RAB28: variants seen among roughly 807,000 people sequenced by gnomAD.
RAB28 encodes the protein RAB28, member RAS oncogene family, also known as ras-related protein Rab-28.
A neutral mutation model predicts 31.7 loss-of-function variants in RAB28; 24 were observed. The observed-to-expected ratio is 0.76, with a 90% confidence interval of 0.55 to 1.06. RAB28 has a LOEUF of 1.06. Ranked by LOEUF, RAB28 falls within the 50% of genes least tolerant of loss-of-function variation. The pLI, the probability that RAB28 is intolerant of heterozygous loss-of-function variation, is 0.00. For synonymous variants in RAB28, 100 were observed against 90.4 expected (o/e 1.11, Z -0.60); for missense variants, 254 against 258.5 (o/e 0.98, Z 0.12).
intron 4 of RAB28, among the ~76,000 whole-genome samples, chr4:13,454,360 G>A (rs567631166): frequency 1.3e-5 from 2 of 152,126 alleles, no homozygotes; most frequent in East Asian, 3.9e-4. Context: ...GTCTATTACT[G>A]AAGTATTATT....
intron 4 of RAB28, among the ~76,000 whole-genome samples, chr4:13,408,311 C>G (rs1490035254): frequency 6.6e-6 from 1 of 152,074 alleles, no homozygotes; most frequent in South Asian, 2.1e-4. Flanking sequence ...TGATGGAATA[C>G]ATTTATTGAT....
intron 4 of RAB28, chr4:13,459,811 T>A: frequency 8.1e-7 from 1 of 1,236,708 alleles, no homozygotes; most frequent in South Asian, 1.4e-5. Context: ...AAATAGGAGA[T>A]CATTCAATGA....
At chr4:13,443,738 CTA>C in intron 4 of RAB28, among the ~76,000 whole-genome samples, 1 of 152,136 alleles carries the variant, frequency 6.6e-6, no homozygotes, top group Non-Finnish European at 1.5e-5. Context: ...ATTTTCATGT[CTA>C]TGTTTCTATT....
intron 4 of RAB28, among the ~76,000 whole-genome samples, chr4:13,419,529 A>G (rs909994937): frequency 2.0e-5 from 3 of 152,240 alleles, no homozygotes; most frequent in Admixed American, 6.5e-5. Flanking sequence ...ATGTAAAAGA[A>G]CAGAAATCAC....
chr4:13,478,107 G>C lies in RAB28; in HGVS notation c.172+1323C>G, dbSNP rs1447120879. Among the ~76,000 whole-genome samples the C allele has an allele frequency of 4.0e-5, 6 of 151,484 alleles. No homozygotes were observed. The South Asian group carries it at 6.2e-4, about 16-fold the overall frequency. The stretch of plus-strand genomic sequence containing the variant: ...GTGAAAAAAACTCCTGCAAAAATAA[G>C]CTTCCAGCATCTGTATTATGTGATC... On this transcript the variant is annotated intron_variant, in intron 2 of 6. Coordinates refer to ENST00000330852, the MANE Select transcript of RAB28 (RefSeq NM_001017979.3).
chr4:13,444,923 C>T (rs972992670), intron 4 of RAB28, among the ~76,000 whole-genome samples: 6 of 152,004 alleles, frequency 3.9e-5, no homozygotes, highest in Non-Finnish European at 8.8e-5. Context: ...TGAATGTCGG[C>T]CTGTCTTGCT....
chr4:13,439,186 T>C (rs1260599608), intron 4 of RAB28, among the ~76,000 whole-genome samples: 1 of 152,202 alleles, frequency 6.6e-6, no homozygotes, highest in Non-Finnish European at 1.5e-5. Context: ...TCAGACATGA[T>C]TTGTAAATAT....
intron 4 of RAB28, among the ~76,000 whole-genome samples, chr4:13,391,722 G>A (rs1729637516): frequency 6.6e-6 from 1 of 152,148 alleles, no homozygotes; most frequent in East Asian, 1.9e-4. Context: ...ACAGTATGCA[G>A]CCATAAAAAA....
intron 4 of RAB28, among the ~76,000 whole-genome samples, chr4:13,398,148 AAGT>A (rs1711535667): frequency 6.6e-6 from 1 of 152,234 alleles, no homozygotes; most frequent in African/African-American, 2.4e-5. Context: ...ACTATTGAGT[AAGT>A]AAATCCTTTT....
At chr4:13,446,020 CT>C (rs1468942400) in intron 4 of RAB28, among the ~76,000 whole-genome samples, 3 of 152,162 alleles carry the variant, frequency 2.0e-5, no homozygotes, top group African/African-American at 7.2e-5. Context: ...AGAGTTCTAT[CT>C]GTAAGCCCCT....
chr4:13,440,995 T>C (rs1020663353), intron 4 of RAB28, among the ~76,000 whole-genome samples: 1 of 152,016 alleles, frequency 6.6e-6, no homozygotes, highest in Non-Finnish European at 1.5e-5. Context: ...AATGGGAGCT[T>C]TGCAAAATTG....
chr4:13,464,297 T>C (rs1577239567), intron 3 of RAB28, among the ~76,000 whole-genome samples: 1 of 152,044 alleles, frequency 6.6e-6, no homozygotes, highest in African/African-American at 2.4e-5. Flanking sequence ...AAAGTAACCA[T>C]TGTGAAATAT....
At chr4:13,384,060 C>T (rs1470198178) in intron 4 of RAB28, among the ~76,000 whole-genome samples, 2 of 152,160 alleles carry the variant, frequency 1.3e-5, no homozygotes, top group African/African-American at 4.8e-5. Flanking sequence ...CTCCCTCGCC[C>T]CAGTGAACCC....
At chr4:13,414,373 C>G (rs575578170) in intron 4 of RAB28, among the ~76,000 whole-genome samples, 1 of 152,268 alleles carries the variant, frequency 6.6e-6, no homozygotes, top group South Asian at 2.1e-4. Flanking sequence ...TAGATCAAAT[C>G]ATCCATGAAA....
chr4:13,432,498 CA>C (rs1230942775), intron 4 of RAB28, among the ~76,000 whole-genome samples: 1 of 151,900 alleles, frequency 6.6e-6, no homozygotes, highest in Non-Finnish European at 1.5e-5. Flanking sequence ...TCAGATTACT[CA>C]AAATCAATGC....
chr4:13,437,592 C>T (rs1196000268), intron 4 of RAB28, among the ~76,000 whole-genome samples: 2 of 151,900 alleles, frequency 1.3e-5, no homozygotes, highest in African/African-American at 4.8e-5. Flanking sequence ...GCCAACAAAC[C>T]TGAAAAAATG....
rs111292521 is a variant in RAB28, at chr4:13,439,424, G to A, written c.391+21275C>T. Among the ~76,000 whole-genome samples the A allele has an allele frequency of 1.1e-3, 174 of 151,604 alleles. 2 individuals are homozygous for A. The highest frequency in any genetic ancestry group is 3.4e-3 in the Middle Eastern group (1 of 294). ...GGCTGGAGTGCAGAGGCACAATCTC[G>A]GCTCAACGCAACCTCCACCTCCCAG... On this transcript the variant is annotated intron_variant, in intron 4 of 6. Coordinates refer to ENST00000330852, the MANE Select transcript of RAB28 (RefSeq NM_001017979.3).
intron 4 of RAB28, among the ~76,000 whole-genome samples, chr4:13,438,996 T>C (rs1714275225): frequency 6.6e-6 from 1 of 152,208 alleles, no homozygotes. Context: ...TGTTGTCTTA[T>C]TGTGGTTTTC....
At chr4:13,402,317 T>C (rs1180197115) in intron 4 of RAB28, among the ~76,000 whole-genome samples, 1 of 152,228 alleles carries the variant, frequency 6.6e-6, no homozygotes, top group Non-Finnish European at 1.5e-5. Flanking sequence ...ACACCAGTTA[T>C]TGATAAAACA....
Sources: gnomAD v4.1 joint callset for allele counts (sites outside exome capture counted in the v4.1 genomes callset) on GRCh38, gnomAD v4.1.1 for gene constraint, MANE v1.5 for transcripts, NCBI Gene and HGNC (gene_info 2026-07-23, HGNC 2026-07-21) for gene names.